Variants in DAB2 observed in about 807,000 individuals in gnomAD.
DAB2 encodes the protein DAB adaptor protein 2.
Under a neutral mutation model 71.6 loss-of-function variants are expected in DAB2, and 28 were observed. The ratio of observed to expected loss-of-function variants is 0.39; its 90% CI spans 0.29 to 0.54. The LOEUF is 0.54. Ranked by LOEUF, DAB2 falls within the 20% of genes least tolerant of loss-of-function variation. The pLI is 0.68. For synonymous variants in DAB2, 345 were observed against 339.7 expected, an observed-to-expected ratio of 1.02 and a Z score of -0.17; for missense variants, 867 against 928.8, an observed-to-expected ratio of 0.93 and a Z score of 0.86.
At chr5:39,413,165 T>C (rs1755770466) in intron 1 of DAB2, among the ~76,000 whole-genome samples, 1 of 152,138 alleles carries the variant, frequency 6.6e-6, no homozygotes, top group Non-Finnish European at 1.5e-5. Flanking sequence ...CTCTGCAGTA[T>C]GACAGTTGCA....
chr5:39,378,100 G>C (rs1419103763), intron 11 of DAB2, among the ~76,000 whole-genome samples: 2 of 152,210 alleles, frequency 1.3e-5, no homozygotes, highest in Non-Finnish European at 2.9e-5. Flanking sequence ...AATCTTTCAA[G>C]GTAACTAATG....
At position 39,393,263 on chromosome 5, in the gene DAB2, C is replaced by T. The variant is rs267600627; in HGVS notation, c.222G>A (p.Met74Ile). The T allele has an allele frequency of 6.2e-7, 1 of 1,613,846 alleles. No individual in the cohort carries two copies. Among genetic ancestry groups the T allele is most frequent in the Non-Finnish European group, 8.5e-7 (1 of 1,179,882 alleles). ...RGDKMSQDSM[M>I]KLKGMAAAGR... The stretch of plus-strand genomic sequence containing the variant: ...TTCATTTCCCTTTTACCTTTAGTTT[C>T]ATCATAGAGTCTTGGCTCATTTTAT... The change falls in exon 3 of 15, where the codon ATG (methionine) becomes ATA (isoleucine). Residue 74 changes from methionine (M) to isoleucine (I), a missense_variant. By Grantham distance (10) the Met-to-Ile change is conservative. Coordinates refer to ENST00000320816, the MANE Select transcript of DAB2 (RefSeq NM_001343.4).
rs1234744052 is a variant in DAB2 at position 39,382,788 on chromosome 5, C to T, written c.1171G>A (p.Val391Ile). ...ACAAAAGGGTTCGGGGAGGATTTGA[C>T]AGAGAAGCCGTTCTGTTCTCTTTCA... ...VSEREQNGFS[V>I]KSSPNPFVGS... Residue 391 changes from valine to isoleucine, a missense_variant, in exon 10 of 15, where the codon GTC becomes ATC. Physicochemically the swap from Val to Ile is conservative, Grantham distance 29. Around this residue, in one of 2 missense-constraint regions of DAB2, gnomAD observed 740 missense variants for 734.3 expected, o/e 1.01. Transcript: ENST00000320816. 42 of 1,614,028 alleles carry T rather than the reference C, an allele frequency of 2.6e-5. No individual in the cohort carries two copies. The highest frequency in any genetic ancestry group is 3.3e-5 in the Non-Finnish European group (39 of 1,180,034).
chr5:39,405,082 C>T (rs1365263598), intron 1 of DAB2, among the ~76,000 whole-genome samples: 1 of 152,202 alleles, frequency 6.6e-6, no homozygotes, highest in African/African-American at 2.4e-5. Flanking sequence ...CATGTTCTGG[C>T]CTCTCGGCAA....
chr5:39,409,720 G>T (rs1223502294), intron 1 of DAB2, among the ~76,000 whole-genome samples: 2 of 152,164 alleles, frequency 1.3e-5, no homozygotes, highest in Non-Finnish European at 2.9e-5. Context: ...AAGGAACCTT[G>T]TGTCTAGTAG....
At chr5:39,374,953 T>G (rs1754785878) in intron 14 of DAB2, 61 bp downstream of exon 14, 1 of 1,048,038 alleles carries the variant, frequency 9.5e-7, no homozygotes, top group Non-Finnish European at 1.5e-6. Context: ...TCACTCTTTA[T>G]TCCATGTCAC....
At chr5:39,395,391 T>G (rs906699518) in intron 1 of DAB2, among the ~76,000 whole-genome samples, 1 of 152,178 alleles carries the variant, frequency 6.6e-6, no homozygotes, top group Non-Finnish European at 1.5e-5. Context: ...ACAAAAGCCC[T>G]CTTCATTCCG....
At chr5:39,418,472 T>C (rs1254411909) in intron 1 of DAB2, 1 of 152,184 alleles carries the variant, frequency 6.6e-6, no homozygotes, top group Non-Finnish European at 1.5e-5. Flanking sequence ...ATGCAATATT[T>C]AGAACCGAGA....
At chr5:39,393,592 G>A (rs1755286707) in intron 2 of DAB2, among the ~76,000 whole-genome samples, 199 bp from the exon 3 acceptor site, 1 of 152,088 alleles carries the variant, frequency 6.6e-6, no homozygotes, top group African/African-American at 2.4e-5. Flanking sequence ...GAGTTGAGGT[G>A]GGGAGAAAAT....
At chr5:39,402,946 A>C (rs1038610691) in intron 1 of DAB2, among the ~76,000 whole-genome samples, 3 of 152,360 alleles carry the variant, frequency 2.0e-5, no homozygotes, top group Middle Eastern at 3.4e-3. Context: ...GCTCTGCTTC[A>C]CATCATCTGG....
At chr5:39,407,002 A>ATTATT (rs1755622579) in intron 1 of DAB2, among the ~76,000 whole-genome samples, 1 of 152,210 alleles carries the variant, frequency 6.6e-6, no homozygotes, top group African/African-American at 2.4e-5. Flanking sequence ...TATACAATGT[A>ATTATT]TTATGCTTGA....
intron 1 of DAB2, among the ~76,000 whole-genome samples, chr5:39,405,182 A>G (rs1310579321): frequency 1.3e-5 from 2 of 152,220 alleles, no homozygotes; most frequent in Non-Finnish European, 2.9e-5. Flanking sequence ...TCAGCTTCTA[A>G]GAAAGAGAGC....
intron 13 of DAB2, among the ~76,000 whole-genome samples, chr5:39,375,447 A>G (rs1001411328): frequency 1.7e-4 from 26 of 152,226 alleles, no homozygotes; most frequent in African/African-American, 6.0e-4. Context: ...TAAGTGAGAT[A>G]TGAAGGATGT....
At chr5:39,382,198 T>A (rs1000982207) in intron 10 of DAB2, among the ~76,000 whole-genome samples, 12 of 152,118 alleles carry the variant, frequency 7.9e-5, no homozygotes, top group African/African-American at 2.9e-4. Flanking sequence ...GCTCGAGAAT[T>A]TTATACCACC....
chr5:39,395,533 A>T (rs1463701295), intron 1 of DAB2, among the ~76,000 whole-genome samples: 4 of 152,204 alleles, frequency 2.6e-5, no homozygotes, highest in Non-Finnish European at 5.9e-5. Flanking sequence ...ACTCAATTTA[A>T]ATTGCACTTA....
At chr5:39,392,783 T>A (rs1246603529) in intron 3 of DAB2, among the ~76,000 whole-genome samples, 1 of 152,182 alleles carries the variant, frequency 6.6e-6, no homozygotes, top group Non-Finnish European at 1.5e-5. Context: ...ATTTATTCAG[T>A]CAGTTTCACA....
chr5:39,423,205 A>G (rs1255058771), intron 1 of DAB2, among the ~76,000 whole-genome samples: 1 of 152,170 alleles, frequency 6.6e-6, no homozygotes, highest in East Asian at 1.9e-4. Context: ...CAACAACAGG[A>G]AAAAGAATTT....
intron 7 of DAB2, 24 bp downstream of exon 7, chr5:39,389,073 C>A: frequency 1.2e-6 from 2 of 1,610,868 alleles, no homozygotes; most frequent in Non-Finnish European, 8.5e-7. Context: ...ACATGATTAA[C>A]AAGAAGTAAA....
intron 1 of DAB2, among the ~76,000 whole-genome samples, chr5:39,409,063 G>A (rs1374391322): frequency 6.6e-6 from 1 of 151,272 alleles, no homozygotes; most frequent in Admixed American, 6.6e-5. Context: ...CACATGAGTC[G>A]AATTCCAGAT....
Sources: allele counts gnomAD v4.1 joint callset (sites outside exome capture counted in the v4.1 genomes callset), GRCh38; gene constraint gnomAD v4.1.1; regional missense constraint gnomAD v4.1.1; transcripts MANE v1.5; gene names NCBI Gene and HGNC (gene_info 2026-07-23, HGNC 2026-07-21).